Variants in PDK1 observed in about 807,000 individuals in gnomAD.
The protein encoded by PDK1 is [Pyruvate dehydrogenase (acetyl-transferring)] kinase isozyme 1, mitochondrial.
Under a neutral mutation model 54.2 loss-of-function variants are expected in PDK1, and 39 were observed. The observed-to-expected ratio is 0.72, with a 90% CI of 0.56 to 0.94. PDK1 has a LOEUF of 0.94. Among genes scored for constraint, PDK1 ranks in the 40% least tolerant of loss-of-function variants. The pLI, the probability that PDK1 is intolerant of heterozygous loss-of-function variation, is 0.00. For missense variants in PDK1, 552 were observed against 566.0 expected, an observed-to-expected ratio of 0.98 and a Z score of 0.25; for synonymous variants, 221 against 207.1, an observed-to-expected ratio of 1.07 and a Z score of -0.58.
the PDK1 span, among the ~76,000 whole-genome samples, chr2:172,673,542 C>A: frequency 2.0e-5 from 3 of 152,098 alleles, no homozygotes; most frequent in Admixed American, 2.0e-4. Context: ...CTGAGCATCA[C>A]GTGATGGTCG....
the PDK1 span, among the ~76,000 whole-genome samples, chr2:172,705,694 GA>G: frequency 6.6e-6 from 1 of 152,118 alleles, no homozygotes; most frequent in Non-Finnish European, 1.5e-5. Flanking sequence ...AATATTGAAT[GA>G]AAAAACTATT....
At chr2:172,581,733 T>C (rs1689921658) in intron 8 of PDK1, among the ~76,000 whole-genome samples, 1 of 152,006 alleles carries the variant, frequency 6.6e-6, no homozygotes, top group Admixed American at 6.6e-5. Context: ...TGGTTTTGTT[T>C]CTTCCCCATT....
chr2:172,673,549 G>A, the PDK1 span, among the ~76,000 whole-genome samples: 3 of 152,102 alleles, frequency 2.0e-5, no homozygotes, highest in Non-Finnish European at 4.4e-5. Flanking sequence ...TCACGTGATG[G>A]TCGCCTGACA....
chr2:172,586,250 A>G lies in PDK1; in HGVS notation c.946-28A>G, dbSNP rs111902739. On this transcript the variant is annotated intron_variant, in intron 8 of 10. Transcript: ENST00000282077. Reference sequence around the variant, plus strand: ...ATTTTGCTGTTTTGAGGATTTGGGCATAGAGCACGATCCTTTTCTTACCTT... The same window carrying G: ...ATTTTGCTGTTTTGAGGATTTGGGCGTAGAGCACGATCCTTTTCTTACCTT... The G allele has an allele frequency of 3.0e-4, 420 of 1,390,006 alleles. 2 individuals are homozygous for G. In the African/African-American group the frequency reaches 4.7e-3, roughly 16 times the overall value. The allele number at this position is 1,390,006 out of a possible 1,614,324, so 86.1% of individuals were successfully genotyped here.
chr2:172,642,009 A>G, the PDK1 span, among the ~76,000 whole-genome samples: 2 of 152,120 alleles, frequency 1.3e-5, no homozygotes, highest in Non-Finnish European at 2.9e-5. Context: ...CCCCAACAAT[A>G]ACGTCATAAT....
rs1442246227 is a variant in PDK1, at chr2:172,563,938, T to G, written c.411-565T>G. On this transcript the variant is annotated intron_variant, in intron 3 of 10. Transcript: ENST00000282077. ...ACTAGATGATTTGAAGATTTGTCTT[T>G]TAATATAATTGTTTACTTTTCCTCT... 1.1e-5 allele frequency: 5 copies of G among 454,950 alleles called. No individual in the cohort carries two copies. In the Admixed American group the frequency reaches 1.2e-4, roughly 11 times the overall value. 28.2% of individuals were successfully genotyped at this position (454,950 alleles called of 1,614,324 possible). A position where few individuals can be genotyped will look rare whatever the true frequency, so the allele number is the denominator to read the frequency against.
At chr2:172,643,629 G>A in the PDK1 span, among the ~76,000 whole-genome samples, 1 of 152,138 alleles carries the variant, frequency 6.6e-6, no homozygotes. Flanking sequence ...GGGTGGCCAA[G>A]GGGCAGCTGC....
the PDK1 span, among the ~76,000 whole-genome samples, chr2:172,634,327 C>G: frequency 2.2e-5 from 3 of 137,796 alleles, no homozygotes; most frequent in Non-Finnish European, 3.2e-5. Flanking sequence ...GGCTGGAGTG[C>G]AATGGCGCAA....
chr2:172,560,218 A>G (rs746289237), intron 2 of PDK1, among the ~76,000 whole-genome samples: 1 of 152,160 alleles, frequency 6.6e-6, no homozygotes, highest in Non-Finnish European at 1.5e-5. Flanking sequence ...AGAGTGCAGT[A>G]GTGTGATCAT....
At position 172,606,448 on chromosome 2, in the gene PDK1, C is replaced by T. The variant is rs1372130181; in HGVS notation, c.*10479C>T. On this transcript the variant is annotated 3_prime_UTR_variant, in exon 11 of 11. Coordinates refer to ENST00000282077, the MANE Select transcript of PDK1 (RefSeq NM_002610.5). ...CTCCATGTTATGAACCTTACTTCCT[C>T]AAGTCTCTTTTGCTGCTAGGAGGCA... 6.6e-6 allele frequency: 1 copy of T among 152,228 alleles called. No homozygotes were observed. The highest frequency in any genetic ancestry group is 6.5e-5 in the Admixed American group (1 of 15,284). The allele number at this position is 152,228 out of a possible 1,614,324, so 9.4% of individuals were successfully genotyped here.
At chr2:172,651,907 C>T in the PDK1 span, among the ~76,000 whole-genome samples, 1 of 152,238 alleles carries the variant, frequency 6.6e-6, no homozygotes, top group Non-Finnish European at 1.5e-5. Flanking sequence ...GAGCTGGTAC[C>T]ATTCCTTCTG....
chr2:172,622,052 G>GTGAGATATGTTTATATCTCATATAT, the PDK1 span, among the ~76,000 whole-genome samples: 1 of 146,922 alleles, frequency 6.8e-6, no homozygotes, highest in East Asian at 2.2e-4. Context: ...TCTCATATAT[G>GTGAGATATGTTTATATCTCATATAT]TGAGATATGT....
chr2:172,577,666 A>G (rs1689651584), intron 8 of PDK1, among the ~76,000 whole-genome samples: 1 of 152,154 alleles, frequency 6.6e-6, no homozygotes, highest in South Asian at 2.1e-4. Flanking sequence ...AGTTCAGATT[A>G]ATACCAATTT....
chr2:172,664,298 C>T, the PDK1 span, among the ~76,000 whole-genome samples: 9 of 82,492 alleles, frequency 1.1e-4, no homozygotes, highest in South Asian at 4.5e-3. Flanking sequence ...ACAACGAGAG[C>T]AAAACTCTGC....
chr2:172,579,922 ATTC>A (rs1558944256), intron 8 of PDK1, among the ~76,000 whole-genome samples: 4 of 151,810 alleles, frequency 2.6e-5, no homozygotes, highest in Non-Finnish European at 4.4e-5. Context: ...TCAACTTTTT[ATTC>A]TATTCTGTGA....
chr2:172,664,885 C>A, the PDK1 span, among the ~76,000 whole-genome samples: 1 of 152,084 alleles, frequency 6.6e-6, no homozygotes, highest in South Asian at 2.1e-4. Context: ...ATCGAAATTC[C>A]ATTTCCTGGC....
At chr2:172,720,383 G>A in the PDK1 span, among the ~76,000 whole-genome samples, 2 of 152,104 alleles carry the variant, frequency 1.3e-5, no homozygotes, top group East Asian at 1.9e-4. Flanking sequence ...CCAAAGTTCT[G>A]GGTTTACAGG....
the PDK1 span, among the ~76,000 whole-genome samples, chr2:172,622,048 A>ATATGTGAGATATGTTTATATCTCATATAT: frequency 2.7e-4 from 40 of 147,394 alleles, 2 homozygotes; most frequent in Non-Finnish European, 2.5e-4. Context: ...TATATCTCAT[A>ATATGTGAGATATGTTTATATCTCATATAT]TATGTGAGAT....
At chr2:172,630,469 C>G in the PDK1 span, among the ~76,000 whole-genome samples, 1 of 152,136 alleles carries the variant, frequency 6.6e-6, no homozygotes, top group Non-Finnish European at 1.5e-5. Flanking sequence ...ATAGTGACTA[C>G]CATATTGGAG....
Sources: allele counts gnomAD v4.1 joint callset (sites outside exome capture counted in the v4.1 genomes callset), GRCh38; gene constraint gnomAD v4.1.1; transcripts MANE v1.5; gene names NCBI Gene and HGNC (gene_info 2026-07-23, HGNC 2026-07-21).